Variants in NRG3 observed in about 807,000 individuals in gnomAD.
The protein encoded by NRG3 is pro-neuregulin-3, membrane-bound isoform.
NRG3 carries 31 observed loss-of-function variants against 66.9 expected under a neutral mutation model. The ratio of observed to expected loss-of-function variants is 0.46; its 90% confidence interval spans 0.35 to 0.63. The LOEUF is 0.63. Ranked by LOEUF, NRG3 falls within the 20% of genes least tolerant of loss-of-function variation. The pLI, the probability that NRG3 is intolerant of heterozygous loss-of-function variation, is 0.00. For missense variants in NRG3, 910 were observed against 878.9 expected, an observed-to-expected ratio of 1.04 and a Z score of -0.45; for synonymous variants, 393 against 359.4, an observed-to-expected ratio of 1.09 and a Z score of -1.06.
chr10:82,584,930 G>C (rs2046573773), intron 2 of NRG3, among the ~76,000 whole-genome samples: 1 of 151,024 alleles, frequency 6.6e-6, no homozygotes, highest in South Asian at 2.1e-4. Context: ...TTTAAATGAG[G>C]GATCAAGATT....
chr10:82,240,204 C>T (rs1022922354), intron 1 of NRG3, among the ~76,000 whole-genome samples: 6 of 151,264 alleles, frequency 4.0e-5, no homozygotes, highest in Admixed American at 6.6e-5. Flanking sequence ...ATACCACTAT[C>T]GATATAATGT....
intron 1 of NRG3, among the ~76,000 whole-genome samples, chr10:81,948,624 C>T (rs1057222355): frequency 6.6e-6 from 1 of 152,120 alleles, no homozygotes; most frequent in African/African-American, 2.4e-5. Context: ...TGGGAAGATG[C>T]TGGAGGTACA....
In NRG3 at chr10:82,212,177, A is replaced by C. The variant is rs1589332517; in HGVS notation, c.824-146562A>C. ...GCTGATATTTGACTAACCTATAAAA[A>C]CAGCAATTTCACATGGTTCAAACTA... is the stretch of plus-strand genomic sequence containing the variant. On this transcript the variant is annotated intron_variant, in intron 1 of 8. Coordinates refer to ENST00000372141, the MANE Select transcript of NRG3 (RefSeq NM_001010848.4). 6.6e-5 allele frequency among the ~76,000 whole-genome samples: 10 copies of C among 152,308 alleles called. 4 individuals are homozygous for C. Among genetic ancestry groups the C allele is most frequent in the Admixed American group, 6.5e-4 (10 of 15,294 alleles).
chr10:82,110,745 T>C (rs1200241823), intron 1 of NRG3, among the ~76,000 whole-genome samples: 1 of 152,040 alleles, frequency 6.6e-6, no homozygotes, highest in Non-Finnish European at 1.5e-5. Flanking sequence ...CAGATGTCTT[T>C]ATATCTATTA....
intron 1 of NRG3, among the ~76,000 whole-genome samples, chr10:81,908,153 T>G (rs945671849): frequency 6.6e-6 from 1 of 152,180 alleles, no homozygotes; most frequent in Non-Finnish European, 1.5e-5. Flanking sequence ...GTTATTTCAA[T>G]GTTATGCAGG....
chr10:82,616,031 CACAG>C (rs899729667), intron 2 of NRG3, among the ~76,000 whole-genome samples: 6 of 152,176 alleles, frequency 3.9e-5, no homozygotes, highest in African/African-American at 7.2e-5. Flanking sequence ...ACGCTACACA[CACAG>C]ACAAACAAAA....
At chr10:82,936,902 G>A (rs1465335998) in intron 4 of NRG3, among the ~76,000 whole-genome samples, 3 of 152,136 alleles carry the variant, frequency 2.0e-5, no homozygotes, top group East Asian at 1.9e-4. Context: ...ATTTCCATCT[G>A]TAGTTTACAT....
At chr10:81,924,147 C>T (rs944491134) in intron 1 of NRG3, among the ~76,000 whole-genome samples, 1 of 152,100 alleles carries the variant, frequency 6.6e-6, no homozygotes, top group African/African-American at 2.4e-5. Context: ...TGGATGGGAG[C>T]AGGTAGGGCT....
intron 2 of NRG3, among the ~76,000 whole-genome samples, chr10:82,520,586 G>A (rs2132535474): frequency 6.6e-6 from 1 of 152,208 alleles, no homozygotes; most frequent in African/African-American, 2.4e-5. Flanking sequence ...CTCAGCCTCA[G>A]GCCTATTGGA....
chr10:82,500,278 T>G (rs1051320592), intron 2 of NRG3, among the ~76,000 whole-genome samples: 1 of 152,132 alleles, frequency 6.6e-6, no homozygotes, highest in East Asian at 1.9e-4. Flanking sequence ...ACTGGCTCCA[T>G]TAAGTGTTGC....
intron 2 of NRG3, among the ~76,000 whole-genome samples, chr10:82,438,533 A>C (rs2090264411): frequency 6.6e-6 from 1 of 152,226 alleles, no homozygotes; most frequent in Non-Finnish European, 1.5e-5. Flanking sequence ...TAAACCACTT[A>C]GACAACAGGC....
Position 81,935,919 on chromosome 10 carries a change from A to ACACACACACAC in NRG3, c.823+59762_823+59763insCACACCACACA, listed in dbSNP as rs1192033295. ...CACACACACACACACACACACACAC[A>ACACACACACAC]CACACAGTTTCCTGTGTTAAAATGG... On this transcript the variant is annotated intron_variant, in intron 1 of 8. Transcript: ENST00000372141. Among the ~76,000 whole-genome samples the ACACACACACAC allele has an allele frequency of 2.4e-3, 346 of 146,746 alleles. 3 individuals carry two copies. Among genetic ancestry groups the ACACACACACAC allele is most frequent in the African/African-American group, 7.4e-3 (283 of 38,422 alleles).
At chr10:82,789,822 CT>C (rs201024169) in intron 3 of NRG3, among the ~76,000 whole-genome samples, 161 of 146,534 alleles carry the variant, frequency 1.1e-3, no homozygotes, top group African/African-American at 2.5e-3. Context: ...TTTTAATTCC[CT>C]TTTTTTTTTA....
intron 1 of NRG3, among the ~76,000 whole-genome samples, chr10:82,176,158 T>C (rs2073015893): frequency 6.6e-6 from 1 of 152,326 alleles, no homozygotes; most frequent in Non-Finnish European, 1.5e-5. Flanking sequence ...AGTTTGTCTA[T>C]ACTGCACAGT....
At chr10:82,135,266 C>T (rs2132565224) in intron 1 of NRG3, among the ~76,000 whole-genome samples, 1 of 152,160 alleles carries the variant, frequency 6.6e-6, no homozygotes, top group East Asian at 1.9e-4. Flanking sequence ...CTTTTAGGAT[C>T]CTTTTTTATC....
chr10:82,572,024 A>T (rs1016574420), intron 2 of NRG3, among the ~76,000 whole-genome samples: 7 of 151,712 alleles, frequency 4.6e-5, no homozygotes, highest in African/African-American at 1.7e-4. Context: ...ATTACACAGT[A>T]TGTGTATTAC....
At position 82,796,685 on chromosome 10, in the gene NRG3, G is replaced by T. The variant is rs150800613; in HGVS notation, c.1027+58035G>T. On this transcript the variant is annotated intron_variant, in intron 3 of 8. Coordinates refer to ENST00000372141, the MANE Select transcript of NRG3 (RefSeq NM_001010848.4). ...ATTTATTATTTTGCAAAAATGACAG[G>T]AGAGGGAGCCCTAGAGCCATAATGC... Among the ~76,000 whole-genome samples, 722 of 152,198 alleles carry T rather than the reference G, an allele frequency of 4.7e-3. 4 individuals are homozygous for T. Among genetic ancestry groups the T allele is most frequent in the African/African-American group, 0.016 (677 of 41,542 alleles).
At chr10:82,731,742 TA>T (rs2057917944) in intron 2 of NRG3, among the ~76,000 whole-genome samples, 1 of 152,220 alleles carries the variant, frequency 6.6e-6, no homozygotes, top group Non-Finnish European at 1.5e-5. Context: ...CGTAGGAATG[TA>T]AATATCTCTT....
chr10:82,810,659 A>T (rs1424152925), intron 3 of NRG3, among the ~76,000 whole-genome samples: 5 of 147,208 alleles, frequency 3.4e-5, no homozygotes, highest in African/African-American at 5.0e-5. Flanking sequence ...GCAACTCGGG[A>T]GGCGGAGGCA....
Sources: gnomAD v4.1 joint callset for allele counts (sites outside exome capture counted in the v4.1 genomes callset) on GRCh38, gnomAD v4.1.1 for gene constraint, MANE v1.5 for transcripts, NCBI Gene and HGNC (gene_info 2026-07-23, HGNC 2026-07-21) for gene names.